CBLB: variants seen among roughly 807,000 people sequenced by gnomAD.
CBLB encodes E3 ubiquitin-protein ligase CBL-B.
A neutral mutation model predicts 104.9 loss-of-function variants in CBLB; 31 were observed. The observed-to-expected ratio is 0.30, with a 90% CI of 0.22 to 0.40. The LOEUF is 0.40. Ranked by LOEUF, CBLB falls within the 10% of genes least tolerant of loss-of-function variation. CBLB has a pLI of 1.00. For missense variants in CBLB, 1,062 were observed against 1,214.6 expected (o/e 0.87, Z 1.87); for synonymous variants, 440 against 422.6 (o/e 1.04, Z -0.51).
At chr3:105,699,700 G>A (rs1251721498) in intron 12 of CBLB, among the ~76,000 whole-genome samples, 1 of 152,124 alleles carries the variant, frequency 6.6e-6, no homozygotes, top group East Asian at 1.9e-4. Flanking sequence ...ATGATCTAAT[G>A]AAGTGAATCA....
At chr3:105,819,366 A>G (rs1370388842) in intron 3 of CBLB, among the ~76,000 whole-genome samples, 2 of 152,126 alleles carry the variant, frequency 1.3e-5, no homozygotes, top group Non-Finnish European at 2.9e-5. Flanking sequence ...ACATGCCTAT[A>G]GTCTCAGCTA....
chr3:105,869,328 G>A (rs890346796), upstream of CBLB: 6 of 1,290,942 alleles, frequency 4.6e-6, no homozygotes, highest in Admixed American at 2.3e-5. Flanking sequence ...AAGGCACGAA[G>A]GAGCTAACCA....
intron 10 of CBLB, among the ~76,000 whole-genome samples, chr3:105,715,608 T>C (rs920305378): frequency 6.6e-6 from 1 of 152,130 alleles, no homozygotes; most frequent in Non-Finnish European, 1.5e-5. Flanking sequence ...TTTCACAATA[T>C]TATCATTGGC....
At chr3:105,741,968 T>C (rs1397684908) in intron 6 of CBLB, among the ~76,000 whole-genome samples, 1 of 152,220 alleles carries the variant, frequency 6.6e-6, no homozygotes, top group East Asian at 1.9e-4. Flanking sequence ...TTCAAAAATA[T>C]AAATCAAATC....
intron 5 of CBLB, among the ~76,000 whole-genome samples, chr3:105,747,085 T>C (rs1395121059): frequency 1.3e-5 from 2 of 152,192 alleles, no homozygotes; most frequent in African/African-American, 2.4e-5. Flanking sequence ...TTAATCTGAT[T>C]AGTTGTCTCT....
intron 13 of CBLB, among the ~76,000 whole-genome samples, chr3:105,691,047 T>C (rs1180428427): frequency 6.6e-6 from 1 of 152,162 alleles, no homozygotes; most frequent in Non-Finnish European, 1.5e-5. Context: ...AAATAAAAAA[T>C]GTCAAAATGT....
chr3:105,835,498 A>T (rs1452452736), intron 3 of CBLB, among the ~76,000 whole-genome samples: 2 of 152,214 alleles, frequency 1.3e-5, no homozygotes, highest in Admixed American at 6.5e-5. Flanking sequence ...TTAGAAATTT[A>T]AAATAGTATG....
intron 9 of CBLB, among the ~76,000 whole-genome samples, chr3:105,727,239 G>A (rs1351563403): frequency 3.3e-5 from 5 of 152,238 alleles, no homozygotes; most frequent in Non-Finnish European, 7.4e-5. Context: ...TTCAATGATC[G>A]CCATTCTAAC....
At chr3:105,722,641 T>A (rs1384672884) in intron 9 of CBLB, among the ~76,000 whole-genome samples, 5 of 152,242 alleles carry the variant, frequency 3.3e-5, no homozygotes, top group African/African-American at 1.2e-4. Context: ...GTGCATAGAA[T>A]GTGCAAGCCA....
At chr3:105,855,159 C>T (rs976222769) in intron 2 of CBLB, among the ~76,000 whole-genome samples, 5 of 152,072 alleles carry the variant, frequency 3.3e-5, no homozygotes, top group Admixed American at 2.6e-4. Context: ...AAAGAATATA[C>T]TATTAATATA....
rs768999549 is a variant in CBLB, at chr3:105,832,847, C to A, written c.419+20567G>T. Among the ~76,000 whole-genome samples the A allele has an allele frequency of 9.2e-5, 14 of 152,134 alleles. No individual in the cohort carries two copies. The East Asian group carries it at 2.5e-3, about 27-fold the overall frequency. ...ACTGTGGTGACAGTGGTGAAGAAAA[C>A]GAAGAAACAGAAACTGTGACAAGTA... is the stretch of plus-strand genomic sequence containing the variant. On this transcript the variant is annotated intron_variant, in intron 3 of 18. Transcript: ENST00000394030.
At chr3:105,860,722 A>G (rs186408276) in intron 2 of CBLB, among the ~76,000 whole-genome samples, 12 of 152,366 alleles carry the variant, frequency 7.9e-5, no homozygotes, top group Non-Finnish European at 1.5e-5. Context: ...TATGAAAATT[A>G]GACCAAGGGC....
rs772856165 is a variant in CBLB, at chr3:105,867,594, T to C, written c.-14-3A>G. ...GTTTGCCATCTGGAATTTTAGTTCTTTAAAAGGCAGATTTAAAAAAAGAAA... is the reference window on the plus strand; with the variant it reads ...GTTTGCCATCTGGAATTTTAGTTCTCTAAAAGGCAGATTTAAAAAAAGAAA... On this transcript the variant is annotated splice_polypyrimidine_tract_variant and splice_region_variant and intron_variant, in intron 1 of 18. Coordinates refer to ENST00000394030, the MANE Select transcript of CBLB (RefSeq NM_170662.5). 6.2e-7 allele frequency: 1 copy of C among 1,613,850 alleles called. No individual in the cohort carries two copies. Among genetic ancestry groups the C allele is most frequent in the Admixed American group, 1.7e-5 (1 of 60,018 alleles).
intron 16 of CBLB, chr3:105,681,057 TACA>T (rs1177596663): frequency 3.4e-5 from 7 of 203,250 alleles, no homozygotes; most frequent in Non-Finnish European, 5.0e-5. Context: ...GTTCTCTACA[TACA>T]ACTATTTAAT....
chr3:105,765,840 A>G (rs1221319022), intron 4 of CBLB, among the ~76,000 whole-genome samples: 1 of 152,182 alleles, frequency 6.6e-6, no homozygotes, highest in African/African-American at 2.4e-5. Flanking sequence ...ATGTCTTCTA[A>G]CACAGTACTC....
Position 105,669,579 on chromosome 3 carries a change from G to A in CBLB, c.2689+654C>T, listed in dbSNP as rs554891904. On this transcript the variant is annotated intron_variant, in intron 18 of 18. Coordinates refer to ENST00000394030, the MANE Select transcript of CBLB (RefSeq NM_170662.5). ...CCAAAGTGTTAATACTTTAGCAGAC[G>A]AGACAGATAACCAACAATCAACCAA... Among the ~76,000 whole-genome samples, 19 of 152,224 alleles carry A rather than the reference G, an allele frequency of 1.2e-4. No homozygotes were observed. In the East Asian group the frequency reaches 3.3e-3, roughly 26 times the overall value.
intron 4 of CBLB, 81 bp downstream of exon 4, chr3:105,776,315 T>C: frequency 1.6e-6 from 2 of 1,249,960 alleles, no homozygotes; most frequent in Non-Finnish European, 2.3e-6. Context: ...TCAAGTAAAA[T>C]ATATACCATA....
At chr3:105,683,859 C>T (rs377453260) in intron 14 of CBLB, among the ~76,000 whole-genome samples, 102 of 152,208 alleles carry the variant, frequency 6.7e-4, no homozygotes, top group African/African-American at 2.4e-3. Context: ...TAAAGTCCTG[C>T]GCTGTAGACT....
chr3:105,737,139 T>C lies in CBLB; in HGVS notation c.1071+32A>G, dbSNP rs776168334. Reference sequence around the variant, plus strand: ...ATTTCAAGGGCATTATGGATACTTATTTAATTATACTTTTCTAGCAATTAT... The same window carrying C: ...ATTTCAAGGGCATTATGGATACTTACTTAATTATACTTTTCTAGCAATTAT... On this transcript the variant is annotated intron_variant, in intron 8 of 18. Transcript: ENST00000394030. 5 of 1,143,046 alleles carry C rather than the reference T, an allele frequency of 4.4e-6. No individual in the cohort carries two copies. The Admixed American group carries it at 8.9e-5, about 20-fold the overall frequency. The allele number at this position is 1,143,046 out of a possible 1,614,324, so 70.8% of individuals were successfully genotyped here.
Sources: gnomAD v4.1 joint callset for allele counts (sites outside exome capture counted in the v4.1 genomes callset) on GRCh38, gnomAD v4.1.1 for gene constraint, MANE v1.5 for transcripts, NCBI Gene and HGNC (gene_info 2026-07-23, HGNC 2026-07-21) for gene names.